REST: variants seen among roughly 807,000 people sequenced by gnomAD.
The protein encoded by REST is RE1 silencing transcription factor.
A neutral mutation model predicts 30.4 loss-of-function variants in REST; 1 was observed. The observed-to-expected ratio is 0.03, with a 90% CI of 0.01 to 0.16. REST has a LOEUF of 0.16. Among genes scored for constraint, REST ranks in the 10% least tolerant of loss-of-function variants. The pLI, the probability that REST is intolerant of heterozygous loss-of-function variation, is 1.00. For synonymous variants in REST, 504 were observed against 451.1 expected (o/e 1.12, Z -1.49); for missense variants, 1,259 against 1,329.5 (o/e 0.95, Z 0.82).
chr4:56,919,007 A>C (rs1720328321), intron 2 of REST, among the ~76,000 whole-genome samples: 1 of 147,162 alleles, frequency 6.8e-6, no homozygotes, highest in Admixed American at 6.8e-5. Flanking sequence ...TTTAAACGAG[A>C]TGAAGTCTCA....
At chr4:56,915,684 A>C (rs190244678) in intron 2 of REST, among the ~76,000 whole-genome samples, 92 of 152,316 alleles carry the variant, frequency 6.0e-4, no homozygotes, top group African/African-American at 2.2e-3. Flanking sequence ...GGTGCGGAAG[A>C]GTAGAGACAG....
In REST at chr4:56,925,859, G is replaced by A. The variant is rs115975388; in HGVS notation, c.983-3982G>A. 3.7e-3 allele frequency among the ~76,000 whole-genome samples: 558 copies of A among 152,208 alleles called. 4 individuals carry two copies. The highest frequency in any genetic ancestry group is 0.013 in the African/African-American group (536 of 41,532). Reference sequence around the variant, plus strand: ...GAAAATTTCTACATCCTCCCTTTCCGTTCACCATTCCTTAGGTGGACCCTC... The same window carrying A: ...GAAAATTTCTACATCCTCCCTTTCCATTCACCATTCCTTAGGTGGACCCTC... On this transcript the variant is annotated intron_variant, in intron 3 of 3. Coordinates refer to ENST00000309042, the MANE Select transcript of REST (RefSeq NM_005612.5).
intron 3 of REST, 152 bp downstream of exon 3, chr4:56,920,022 G>A (rs764584782): frequency 2.4e-6 from 1 of 417,344 alleles, no homozygotes; most frequent in Non-Finnish European, 4.2e-6. Flanking sequence ...GTCAATCTGG[G>A]GATTCCTAAC....
chr4:56,914,041 C>G (rs1310045755), intron 2 of REST, among the ~76,000 whole-genome samples: 1 of 151,864 alleles, frequency 6.6e-6, no homozygotes, highest in East Asian at 1.9e-4. Flanking sequence ...ACTTGTGACC[C>G]TCTCGCCTCA....
rs763755642 is a variant in REST, at chr4:56,930,723, A to G, written c.1865A>G (p.Gln622Arg). The G allele has an allele frequency of 1.2e-6, 2 of 1,603,518 alleles. No homozygotes were observed. The part of the protein sequence containing the change: ...QMGPAPTEAV[Q>R]KGPVQVEPPP... ...GGGCCTGCTCCCACAGAGGCGGTTC[A>G]GAAGGGGCCCGTTCAGGTGGAGCCG... The change falls in exon 4 of 4, where the codon CAG (glutamine) becomes CGG (arginine). Residue 622 changes from glutamine (Q) to arginine (R), a missense_variant. Gln to Arg is a conservative substitution (Grantham distance 43). Transcript: ENST00000309042.
rs775441291 is a variant in REST at position 56,930,035 on chromosome 4, G to C, written c.1177G>C (p.Val393Leu). Residue 393 changes from valine (V) to leucine (L), a missense_variant, in exon 4 of 4, where the codon GTA becomes CTA. By Grantham distance (32) the Val-to-Leu change is conservative. Transcript: ENST00000309042. ...HVNPRQFNCP[V>L]CDYAASKKCN... ...GAACCCACGGCAGTTCAATTGCCCT[G>C]TATGTGACTATGCAGCTTCCAAGAA... The C allele has an allele frequency of 1.2e-6, 2 of 1,614,142 alleles. No homozygotes were observed. Among genetic ancestry groups the C allele is most frequent in the Non-Finnish European group, 1.7e-6 (2 of 1,180,028 alleles).
chr4:56,916,618 C>G (rs558700208), intron 2 of REST, among the ~76,000 whole-genome samples: 2 of 152,182 alleles, frequency 1.3e-5, no homozygotes, highest in Admixed American at 6.5e-5. Flanking sequence ...GCCTGGGCGA[C>G]AGAGCGAGAC....
chr4:56,910,541 A>G, intron 1 of REST, 89 bp from the exon 2 acceptor site: 1 of 1,136,942 alleles, frequency 8.8e-7, no homozygotes, highest in Non-Finnish European at 1.2e-6. Flanking sequence ...GAAAATTTTT[A>G]AGTTATGAAG....
In REST at chr4:56,908,004, G is replaced by T; in HGVS notation, c.-219G>T. The T allele has an allele frequency of 2.7e-6, 1 of 369,296 alleles. No homozygotes were observed. 22.9% of individuals were successfully genotyped at this position (369,296 alleles called of 1,614,324 possible). On this transcript the variant is annotated 5_prime_UTR_variant, in exon 1 of 4. Transcript: ENST00000309042. ...GCCCGGGGCCCCAGACCCTGGCGGC[G>T]GCTGCCGCAGCCGAGACGGCAGGGC...
chr4:56,927,647 A>AGT lies in REST; in HGVS notation c.983-2193_983-2192insTG, dbSNP rs1380681505. 3 of 1,237,498 alleles carry AGT rather than the reference A, an allele frequency of 2.4e-6. No individual in the cohort carries two copies. In the African/African-American group the frequency reaches 4.7e-5, roughly 19 times the overall value. The allele number at this position is 1,237,498 out of a possible 1,614,324, so 76.7% of individuals were successfully genotyped here. A position where few individuals can be genotyped will look rare whatever the true frequency, so the allele number is the denominator to read the frequency against. On this transcript the variant is annotated intron_variant, in intron 3 of 3. Transcript: ENST00000309042. The stretch of plus-strand genomic sequence containing the variant: ...TGGATACCATTTGGTAATATTTACT[A>AGT]GAGTGTGATCTAGATGGGTATGTAT...
At chr4:56,916,643 AAAT>A (rs757834188) in intron 2 of REST, among the ~76,000 whole-genome samples, 2 of 152,238 alleles carry the variant, frequency 1.3e-5, no homozygotes, top group African/African-American at 4.8e-5. Flanking sequence ...TCTCAAAAAA[AAAT>A]AATAATAAAA....
intron 1 of REST, among the ~76,000 whole-genome samples, chr4:56,909,815 C>T (rs778250282): frequency 1.3e-5 from 2 of 152,106 alleles, no homozygotes; most frequent in Non-Finnish European, 2.9e-5. Context: ...GGCAAGTAGG[C>T]CAAGTCAAGC....
At chr4:56,909,226 T>C (rs560246213) in intron 1 of REST, 3 of 152,494 alleles carry the variant, frequency 2.0e-5, no homozygotes, top group Admixed American at 1.3e-4. Context: ...GGTGTGTAAA[T>C]GTGTGCAGTG....
At chr4:56,908,933 C>T (rs1259135565) in intron 1 of REST, 1 of 151,552 alleles carries the variant, frequency 6.6e-6, no homozygotes, top group Non-Finnish European at 1.5e-5. Context: ...AGCCCGACGC[C>T]TCGCGAGGGC....
rs534211728 is a variant in REST at position 56,930,374 on chromosome 4, A to G, written c.1516A>G (p.Thr506Ala). The change falls in exon 4 of 4, where the codon ACA (threonine) becomes GCA (alanine). Residue 506 changes from threonine to alanine, a missense_variant. Coordinates refer to ENST00000309042, the MANE Select transcript of REST (RefSeq NM_005612.5). ...VTEVKEMDVH[T>A]GSNSEKFSKT... ...AGAGGTGAAAGAGATGGATGTGCAT[A>G]CAGGAAGCAATTCAGAAAAATTCAG... 1.9e-6 allele frequency: 3 copies of G among 1,613,832 alleles called. No individual in the cohort carries two copies. Among genetic ancestry groups the G allele is most frequent in the Middle Eastern group, 1.6e-4 (1 of 6,062 alleles).
At chr4:56,925,536 TAC>T (rs1196674587) in intron 3 of REST, among the ~76,000 whole-genome samples, 1 of 152,206 alleles carries the variant, frequency 6.6e-6, no homozygotes, top group African/African-American at 2.4e-5. Context: ...ATATTTTTGA[TAC>T]GTATGTGTAA....
chr4:56,911,202 G>T lies in REST; in HGVS notation c.564G>T (p.Val188=). ...TTCACAGTGCTAAGAAATTTTTTGT[G>T]GAAGAGAGTGCAGAGAAGCAGGCAA... The part of the protein sequence containing the change: ...IRVHSAKKFF[V]EESAEKQAKA... The change falls in exon 2 of 4, where the codon GTG becomes GTT. Residue 188 remains valine, a synonymous_variant. Transcript: ENST00000309042. 2 of 1,614,134 alleles carry T rather than the reference G, an allele frequency of 1.2e-6. No individual in the cohort carries two copies. The highest frequency in any genetic ancestry group is 1.7e-6 in the Non-Finnish European group (2 of 1,180,028).
chr4:56,931,827 T>C lies in REST; in HGVS notation c.2969T>C (p.Leu990Pro), dbSNP rs780658486. The change falls in exon 4 of 4, where the codon CTG (leucine) becomes CCG (proline). Residue 990 changes from leucine to proline, a missense_variant. Leu to Pro is a moderately conservative substitution (Grantham distance 98). This residue lies in a region of REST where 856 missense variants were observed against 772.8 expected (regional missense o/e 1.11). Coordinates refer to ENST00000309042, the MANE Select transcript of REST (RefSeq NM_005612.5). ...EEREAVSKTALASPPATMAAN... is the reference protein window; with the variant it reads ...EEREAVSKTAPASPPATMAAN... ...CGTGAAGCAGTGTCCAAAACTGCACTGGCATCACCTCCTGCTACAATGGCA... is the reference window on the plus strand; with the variant it reads ...CGTGAAGCAGTGTCCAAAACTGCACCGGCATCACCTCCTGCTACAATGGCA... The C allele has an allele frequency of 6.2e-7, 1 of 1,614,210 alleles. No individual in the cohort carries two copies. Among genetic ancestry groups the C allele is most frequent in the East Asian group, 2.2e-5 (1 of 44,890 alleles).
intron 2 of REST, among the ~76,000 whole-genome samples, chr4:56,912,335 G>T (rs1433442147): frequency 1.4e-5 from 2 of 138,326 alleles, no homozygotes; most frequent in African/African-American, 5.3e-5. Context: ...AAAAAAAGTT[G>T]AAACTTTTTT....
Sources: gnomAD v4.1 joint callset for allele counts (sites outside exome capture counted in the v4.1 genomes callset) on GRCh38, gnomAD v4.1.1 for gene constraint, gnomAD v4.1.1 regional missense constraint, MANE v1.5 for transcripts, NCBI Gene and HGNC (gene_info 2026-07-23, HGNC 2026-07-21) for gene names.